PRDM11: variants seen among roughly 807,000 people sequenced by gnomAD.
PRDM11 encodes PR domain-containing protein 11.
PRDM11 carries 20 observed loss-of-function variants against 97.8 expected under a neutral mutation model. The ratio of observed to expected loss-of-function variants is 0.20; its 90% CI spans 0.14 to 0.30. The LOEUF (loss-of-function observed/expected upper bound fraction) is 0.30, where lower values mean the gene tolerates loss of function less well. Among genes scored for constraint, PRDM11 ranks in the 10% least tolerant of loss-of-function variants. The pLI is 1.00. For synonymous variants in PRDM11, 599 were observed against 637.7 expected (o/e 0.94, Z 0.91); for missense variants, 1,139 against 1,555.2 (o/e 0.73, Z 4.50).
At chr11:45,170,031 A>G (rs2135716848) in intron 1 of PRDM11, among the ~76,000 whole-genome samples, 1 of 152,318 alleles carries the variant, frequency 6.6e-6, no homozygotes, top group African/African-American at 2.4e-5. Context: ...TTTGATGGTG[A>G]CACACACTCT....
At chr11:45,141,599 C>T (rs1442231030) in intron 1 of PRDM11, among the ~76,000 whole-genome samples, 1 of 152,178 alleles carries the variant, frequency 6.6e-6, no homozygotes. Flanking sequence ...GCCAGAGCCA[C>T]AGCCAAGATC....
chr11:45,155,850 T>G (rs1329223676), intron 1 of PRDM11, among the ~76,000 whole-genome samples: 1 of 151,862 alleles, frequency 6.6e-6, no homozygotes, highest in East Asian at 1.9e-4. Flanking sequence ...CCTGGGCCTT[T>G]TATAAACATC....
intron 1 of PRDM11, among the ~76,000 whole-genome samples, chr11:45,161,924 C>A (rs1040378445): frequency 6.6e-6 from 1 of 152,258 alleles, no homozygotes; most frequent in Admixed American, 6.5e-5. Flanking sequence ...ACATAGGTCA[C>A]CACCGGCAGG....
At chr11:45,100,293 C>A (rs896849435) in intron 1 of PRDM11, among the ~76,000 whole-genome samples, 1 of 152,122 alleles carries the variant, frequency 6.6e-6, no homozygotes. Flanking sequence ...CCTTTCAGAA[C>A]CTTGTCCTAT....
chr11:45,186,123 T>A (rs879610828), intron 4 of PRDM11, among the ~76,000 whole-genome samples: 5 of 152,226 alleles, frequency 3.3e-5, no homozygotes, highest in Non-Finnish European at 5.9e-5. Flanking sequence ...CCTCTAGAAC[T>A]ATAAGGTAAT....
intron 1 of PRDM11, among the ~76,000 whole-genome samples, chr11:45,178,857 G>A: frequency 6.6e-6 from 1 of 152,360 alleles, no homozygotes; most frequent in South Asian, 2.1e-4. Flanking sequence ...GGTGCTGGCA[G>A]TTCAATGGTG....
upstream of PRDM11, among the ~76,000 whole-genome samples, chr11:45,095,328 T>A (rs1397285629): frequency 6.6e-6 from 1 of 152,018 alleles, no homozygotes; most frequent in Non-Finnish European, 1.5e-5. Context: ...TTTTATTTCC[T>A]CCAGCCCTCA....
At chr11:45,192,830 G>A (rs1852963735) in intron 4 of PRDM11, among the ~76,000 whole-genome samples, 2 of 152,136 alleles carry the variant, frequency 1.3e-5, no homozygotes, top group African/African-American at 2.4e-5. Context: ...GCCAAAACAA[G>A]TTTACACATA....
At chr11:45,208,135 G>A (rs1050837670) in intron 5 of PRDM11, among the ~76,000 whole-genome samples, 10 of 152,180 alleles carry the variant, frequency 6.6e-5, no homozygotes, top group Admixed American at 1.3e-4. Flanking sequence ...CAGGACAGTC[G>A]TGGGCTTCTC....
chr11:45,147,584 ACT>A (rs1463923471), intron 1 of PRDM11: 1 of 152,426 alleles, frequency 6.6e-6, no homozygotes, highest in Non-Finnish European at 1.5e-5. Flanking sequence ...TCCCCAAGGT[ACT>A]CTCCTATGCA....
At chr11:45,097,600 G>A (rs1391468930) in intron 1 of PRDM11, among the ~76,000 whole-genome samples, 1 of 152,182 alleles carries the variant, frequency 6.6e-6, no homozygotes, top group African/African-American at 2.4e-5. Context: ...GAACTCTACT[G>A]CACACATAGA....
At chr11:45,098,286 C>T (rs1851918374) in intron 1 of PRDM11, among the ~76,000 whole-genome samples, 1 of 152,212 alleles carries the variant, frequency 6.6e-6, no homozygotes, top group Admixed American at 6.5e-5. Flanking sequence ...AAGGAAGGAC[C>T]CTCTGGCCAA....
intron 4 of PRDM11, among the ~76,000 whole-genome samples, chr11:45,188,220 C>G (rs1174055724): frequency 6.6e-6 from 1 of 152,218 alleles, no homozygotes; most frequent in Non-Finnish European, 1.5e-5. Flanking sequence ...TACTATGTGT[C>G]TGGGTCTGTG....
At chr11:45,190,371 C>T (rs1852866813) in intron 4 of PRDM11, among the ~76,000 whole-genome samples, 1 of 151,960 alleles carries the variant, frequency 6.6e-6, no homozygotes, top group South Asian at 2.1e-4. Flanking sequence ...TGGTCGCAAA[C>T]TCCTGAGCTC....
upstream of PRDM11, among the ~76,000 whole-genome samples, chr11:45,145,944 A>C (rs1422040694): frequency 6.6e-6 from 1 of 152,196 alleles, no homozygotes; most frequent in African/African-American, 2.4e-5. Flanking sequence ...TGAGGAATCG[A>C]GCAAGTGAAT....
At chr11:45,144,683 C>T (rs1851469910), upstream of PRDM11, among the ~76,000 whole-genome samples, 1 of 152,216 alleles carries the variant, frequency 6.6e-6, no homozygotes, top group Admixed American at 6.5e-5. Context: ...TACGTTGACG[C>T]CTCGAGGTCT....
intron 4 of PRDM11, 138 bp downstream of exon 4, chr11:45,183,261 C>T (rs186643480): frequency 2.4e-6 from 3 of 1,226,298 alleles, no homozygotes; most frequent in East Asian, 5.3e-5. Flanking sequence ...ATGGATCTTG[C>T]TGTCCCCTGG....
intron 1 of PRDM11, among the ~76,000 whole-genome samples, chr11:45,149,086 C>T (rs778766050): frequency 6.6e-6 from 1 of 152,182 alleles, no homozygotes; most frequent in Non-Finnish European, 1.5e-5. Context: ...AACCCATCCA[C>T]TTCTCTCCAT....
At chr11:45,208,751 G>A (rs1413165093) in intron 5 of PRDM11, 1 of 356,360 alleles carries the variant, frequency 2.8e-6, no homozygotes, top group African/African-American at 2.1e-5. Flanking sequence ...GGAGGGTGTG[G>A]TGGGGGCCAG....
Sources: allele counts gnomAD v4.1 joint callset (sites outside exome capture counted in the v4.1 genomes callset), GRCh38; gene constraint gnomAD v4.1.1; transcripts MANE v1.5; gene names NCBI Gene and HGNC (gene_info 2026-07-23, HGNC 2026-07-21).